Variants in THSD7A observed in about 807,000 individuals in gnomAD.
THSD7A encodes the protein thrombospondin type 1 domain containing 7A, also known as thrombospondin type-1 domain-containing protein 7A.
Under a neutral mutation model 231.3 loss-of-function variants are expected in THSD7A, and 96 were observed. The observed-to-expected ratio is 0.41, with a 90% confidence interval of 0.35 to 0.49. The LOEUF is 0.49. THSD7A is among the 20% of genes least tolerant of loss of function. The pLI, the probability that THSD7A is intolerant of heterozygous loss-of-function variation, is 0.05. For synonymous variants in THSD7A, 940 were observed against 743.3 expected, an observed-to-expected ratio of 1.26 and a Z score of -4.30; for missense variants, 2,290 against 2,070.2, an observed-to-expected ratio of 1.11 and a Z score of -2.06.
chr7:11,809,148 G>C (rs891917440), intron 1 of THSD7A, among the ~76,000 whole-genome samples: 1 of 152,092 alleles, frequency 6.6e-6, no homozygotes, highest in African/African-American at 2.4e-5. Flanking sequence ...GACAGCTTTT[G>C]CCTCAAGAAG....
In THSD7A at chr7:11,636,834, A is replaced by G. The variant is rs776631721; in HGVS notation, c.318T>C (p.Asn106=). The G allele has an allele frequency of 6.2e-7, 1 of 1,613,838 alleles. No homozygotes were observed. The highest frequency in any genetic ancestry group is 8.5e-7 in the Non-Finnish European group (1 of 1,179,866). The change falls in exon 2 of 28, where the codon AAT becomes AAC. Residue 106 remains asparagine (N), a synonymous_variant. Coordinates refer to ENST00000423059, the MANE Select transcript of THSD7A (RefSeq NM_015204.3). This position sits in a 1 kb window ranked among gnomAD's most constrained non-coding sequence, Gnocchi z 10.0. ...HTNCKQAERP[N]NQQNCFKVCD... is the part of the protein sequence containing the mutation. ...AAACTTTGAAACAATTCTGCTGGTT[A>G]TTGGGTCTCTCGGCCTGCTTACAGT...
Position 11,634,614 on chromosome 7 carries a change from C to A in THSD7A, c.1022+1516G>T, listed in dbSNP as rs1057136463. Among the ~76,000 whole-genome samples the A allele has an allele frequency of 2.6e-5, 4 of 151,794 alleles. No homozygotes were observed. The highest frequency in any genetic ancestry group is 7.3e-5 in the African/African-American group (3 of 41,334). ...AGGTACACACACACACACACACATA[C>A]ACACACACACATTTAAGGAGTTGTA... On this transcript the variant is annotated intron_variant, in intron 2 of 27. Coordinates refer to ENST00000423059, the MANE Select transcript of THSD7A (RefSeq NM_015204.3). The surrounding 1 kb of genome is among the most constrained non-coding windows in gnomAD (Gnocchi z 4.1).
intron 4 of THSD7A, among the ~76,000 whole-genome samples, chr7:11,559,588 G>C (rs1351643507): frequency 6.6e-6 from 1 of 151,658 alleles, no homozygotes; most frequent in Non-Finnish European, 1.5e-5. Flanking sequence ...ATGGGAAGTA[G>C]TGTAATAACA....
At position 11,627,181 on chromosome 7, in the gene THSD7A, T is replaced by C. The variant is rs1781498813; in HGVS notation, c.1022+8949A>G. On this transcript the variant is annotated intron_variant, in intron 2 of 27. Coordinates refer to ENST00000423059, the MANE Select transcript of THSD7A (RefSeq NM_015204.3). ...GGTTGATAGGTGCAGCAAACCACCATGGCACATGTAAACCTGTGTAACAAA... is the reference window on the plus strand; with the variant it reads ...GGTTGATAGGTGCAGCAAACCACCACGGCACATGTAAACCTGTGTAACAAA... Among the ~76,000 whole-genome samples, 4 of 152,132 alleles carry C rather than the reference T, an allele frequency of 2.6e-5. No homozygotes were observed. The South Asian group carries it at 6.2e-4, about 24-fold the overall frequency.
At position 11,377,514 on chromosome 7, in the gene THSD7A, A is replaced by G. The variant is rs541367384; in HGVS notation, c.4802-857T>C. Among the ~76,000 whole-genome samples, 1 of 152,284 alleles carries G rather than the reference A, an allele frequency of 6.6e-6. No homozygotes were observed. Among genetic ancestry groups the G allele is most frequent in the Non-Finnish European group, 1.5e-5 (1 of 67,996 alleles). On this transcript the variant is annotated intron_variant, in intron 26 of 27. Transcript: ENST00000423059. The surrounding 1 kb of genome is among the most constrained non-coding windows in gnomAD (Gnocchi z 4.5). ...ATTGACCTCACACAGACTCTGGTTTATTCAATATTTGAAAGGCATCAAATG... is the reference window on the plus strand; with the variant it reads ...ATTGACCTCACACAGACTCTGGTTTGTTCAATATTTGAAAGGCATCAAATG...
chr7:11,723,771 T>C (rs1027792354), intron 1 of THSD7A, among the ~76,000 whole-genome samples: 1 of 151,944 alleles, frequency 6.6e-6, no homozygotes. Flanking sequence ...GTAAGTATTG[T>C]GTTTCTATCA....
At chr7:11,455,292 G>A (rs575807059) in intron 11 of THSD7A, among the ~76,000 whole-genome samples, 18 of 152,132 alleles carry the variant, frequency 1.2e-4, no homozygotes, top group Non-Finnish European at 2.1e-4. Flanking sequence ...TTGATCTATA[G>A]TGTTTTGTTA....
chr7:11,806,332 T>C (rs1216641022), intron 1 of THSD7A, among the ~76,000 whole-genome samples: 1 of 152,104 alleles, frequency 6.6e-6, no homozygotes. Flanking sequence ...AATATTTAAA[T>C]AAAGATAACT....
chr7:11,615,612 T>C (rs1781079612), intron 2 of THSD7A, among the ~76,000 whole-genome samples: 1 of 152,190 alleles, frequency 6.6e-6, no homozygotes, highest in East Asian at 1.9e-4. Flanking sequence ...ACTATATATT[T>C]GGATATATAG....
chr7:11,437,554 T>C (rs879733335), intron 13 of THSD7A, among the ~76,000 whole-genome samples: 19 of 152,106 alleles, frequency 1.2e-4, no homozygotes, highest in Non-Finnish European at 8.8e-5. Context: ...ATACTCGCTC[T>C]ACCTATGCTA....
At chr7:11,555,656 T>C (rs534112663) in intron 4 of THSD7A, among the ~76,000 whole-genome samples, 24 of 151,852 alleles carry the variant, frequency 1.6e-4, no homozygotes, top group Non-Finnish European at 2.7e-4. Context: ...GAGTAAGGTA[T>C]TGTCATTTCC....
chr7:11,422,598 CAAAAAA>C (rs5882308), intron 16 of THSD7A, among the ~76,000 whole-genome samples: 1 of 97,876 alleles, frequency 1.0e-5, no homozygotes, highest in Non-Finnish European at 2.1e-5. Flanking sequence ...ATTTACAAAG[CAAAAAA>C]AAAAAAAAAA....
intron 1 of THSD7A, among the ~76,000 whole-genome samples, chr7:11,674,108 G>A (rs780370919): frequency 3.9e-5 from 6 of 151,956 alleles, no homozygotes; most frequent in Non-Finnish European, 8.8e-5. Context: ...TAACCCTGAG[G>A]TAGGGGAGAG....
At chr7:11,509,079 G>A (rs913737606) in intron 6 of THSD7A, among the ~76,000 whole-genome samples, 1 of 152,104 alleles carries the variant, frequency 6.6e-6, no homozygotes, top group Admixed American at 6.5e-5. Context: ...ATCTCATCAT[G>A]TTAAGTATTC....
intron 1 of THSD7A, among the ~76,000 whole-genome samples, chr7:11,826,450 T>C (rs1785029513): frequency 6.6e-6 from 1 of 152,240 alleles, no homozygotes; most frequent in African/African-American, 2.4e-5. Flanking sequence ...TTTTGCTCAA[T>C]TCATTGACAC....
At chr7:11,415,607 C>A (rs1387877615) in intron 17 of THSD7A, among the ~76,000 whole-genome samples, 1 of 152,062 alleles carries the variant, frequency 6.6e-6, no homozygotes. Flanking sequence ...ATTCACCTTA[C>A]CTTATGTAAA....
intron 4 of THSD7A, among the ~76,000 whole-genome samples, chr7:11,580,034 T>G (rs1230050003): frequency 6.6e-6 from 1 of 152,198 alleles, no homozygotes; most frequent in Non-Finnish European, 1.5e-5. Context: ...GAATTTGGAA[T>G]TTTGAAATCT....
chr7:11,396,505 C>G (rs548881377), intron 23 of THSD7A, among the ~76,000 whole-genome samples: 2 of 152,256 alleles, frequency 1.3e-5, no homozygotes, highest in African/African-American at 4.8e-5. Context: ...ACTATAAACA[C>G]CTCTACACAA....
intron 6 of THSD7A, among the ~76,000 whole-genome samples, chr7:11,529,796 A>C (rs1788628053): frequency 6.6e-6 from 1 of 152,222 alleles, no homozygotes; most frequent in African/African-American, 2.4e-5. Context: ...TAATACAGTA[A>C]GCAATAAAAT....
Sources: allele counts gnomAD v4.1 joint callset (sites outside exome capture counted in the v4.1 genomes callset), GRCh38; gene constraint gnomAD v4.1.1; non-coding constraint Gnocchi (gnomAD v3.1); transcripts MANE v1.5; gene names NCBI Gene and HGNC (gene_info 2026-07-23, HGNC 2026-07-21).